CCDC171: variants seen among roughly 807,000 people sequenced by gnomAD.
The protein encoded by CCDC171 is coiled-coil domain-containing protein 171.
CCDC171 carries 177 observed loss-of-function variants against 168.2 expected under a neutral mutation model. The observed-to-expected ratio is 1.05, with a 90% confidence interval of 0.93 to 1.19. The LOEUF (loss-of-function observed/expected upper bound fraction) is 1.19. Ranked by LOEUF, CCDC171 falls within the 50% of genes most tolerant of loss-of-function variation. The pLI is 0.00. For missense variants in CCDC171, 1,991 were observed against 1,539.0 expected (o/e 1.29, Z -4.91); for synonymous variants, 687 against 540.8 (o/e 1.27, Z -3.75).
At chr9:15,839,611 A>G (rs1303254514) in intron 21 of CCDC171, among the ~76,000 whole-genome samples, 1 of 152,188 alleles carries the variant, frequency 6.6e-6, no homozygotes, top group East Asian at 1.9e-4. Context: ...TTATAATGAT[A>G]ATAATGACAC....
chr9:15,933,933 C>T (rs1307976876), intron 25 of CCDC171, among the ~76,000 whole-genome samples: 1 of 151,742 alleles, frequency 6.6e-6, no homozygotes, highest in Non-Finnish European at 1.5e-5. Context: ...ATAAATTGGG[C>T]TTCTTCAAAA....
chr9:15,991,603 G>A (rs1443269718), intron 3 of CCDC171, among the ~76,000 whole-genome samples: 1 of 152,102 alleles, frequency 6.6e-6, no homozygotes, highest in Non-Finnish European at 1.5e-5. Flanking sequence ...AGGAGATACA[G>A]ACACAAAAAT....
the CCDC171 span, among the ~76,000 whole-genome samples, chr9:16,069,325 C>G: frequency 3.9e-5 from 6 of 152,156 alleles, no homozygotes; most frequent in Non-Finnish European, 8.8e-5. Context: ...TTCAAAAATG[C>G]TGAGAGTGAA....
intron 6 of CCDC171, among the ~76,000 whole-genome samples, chr9:15,615,388 A>G (rs572786276): frequency 4.1e-4 from 63 of 152,266 alleles, no homozygotes; most frequent in African/African-American, 1.3e-3. Context: ...GTATGTGTCT[A>G]TATCTGTGTG....
At chr9:15,931,804 A>G (rs1826550244) in intron 25 of CCDC171, among the ~76,000 whole-genome samples, 1 of 151,634 alleles carries the variant, frequency 6.6e-6, no homozygotes, top group Non-Finnish European at 1.5e-5. Context: ...TGGATATGGT[A>G]AGAGGTAGGG....
chr9:15,946,236 C>G (rs971647840), intron 25 of CCDC171, among the ~76,000 whole-genome samples: 1 of 151,924 alleles, frequency 6.6e-6, no homozygotes, highest in Non-Finnish European at 1.5e-5. Flanking sequence ...TTCCATTGAT[C>G]TATATCTCAG....
chr9:15,724,973 A>G lies in CCDC171; in HGVS notation c.1689A>G (p.Ala563=), dbSNP rs1422920859. ...TTTCCCAGGCTTTCCATAAGGATGC[A>G]GAGGTATTACCTGAGACTCAATGAC... ...QKLSQAFHKD[A]EEKLTFLHTL... Residue 563 remains alanine (A), a synonymous_variant, in exon 14 of 26, where the codon GCA becomes GCG. Transcript: ENST00000380701. 3.1e-6 allele frequency: 5 copies of G among 1,612,816 alleles called. No individual in the cohort carries two copies. Among genetic ancestry groups the G allele is most frequent in the Middle Eastern group, 1.7e-4 (1 of 6,050 alleles).
At chr9:15,708,390 T>G (rs1229302184) in intron 11 of CCDC171, among the ~76,000 whole-genome samples, 2 of 152,194 alleles carry the variant, frequency 1.3e-5, no homozygotes, top group African/African-American at 2.4e-5. Context: ...TACAATCAGC[T>G]TCCCTTTGAC....
At chr9:15,787,512 C>T (rs1441541540) in intron 21 of CCDC171, among the ~76,000 whole-genome samples, 1 of 152,016 alleles carries the variant, frequency 6.6e-6, no homozygotes, top group Non-Finnish European at 1.5e-5. Flanking sequence ...CACTCCTTTC[C>T]CTCCTCTTCT....
chr9:15,931,227 T>A (rs1431776194), intron 25 of CCDC171, among the ~76,000 whole-genome samples: 3 of 151,816 alleles, frequency 2.0e-5, no homozygotes, highest in Admixed American at 1.3e-4. Flanking sequence ...GTTCCCTTTT[T>A]CTCCACATCC....
At chr9:15,760,981 A>G (rs926535247) in intron 18 of CCDC171, among the ~76,000 whole-genome samples, 8 of 152,206 alleles carry the variant, frequency 5.3e-5, no homozygotes, top group African/African-American at 1.9e-4. Flanking sequence ...GGGTTAGGAT[A>G]TCAATCATGA....
intron 2 of CCDC171, among the ~76,000 whole-genome samples, chr9:15,564,542 G>C (rs952363858): frequency 1.3e-5 from 2 of 152,156 alleles, no homozygotes; most frequent in Non-Finnish European, 2.9e-5. Context: ...TTTAGTCTTA[G>C]CTCCTGTTGC....
chr9:15,850,534 AGTT>A (rs1563868046), intron 23 of CCDC171, among the ~76,000 whole-genome samples: 1 of 151,990 alleles, frequency 6.6e-6, no homozygotes, highest in Non-Finnish European at 1.5e-5. Context: ...CAGATTTAGT[AGTT>A]AATTATTTTG....
intron 24 of CCDC171, among the ~76,000 whole-genome samples, chr9:15,910,035 T>C (rs1164414483): frequency 2.6e-5 from 4 of 152,202 alleles, no homozygotes; most frequent in African/African-American, 2.4e-5. Flanking sequence ...CTCCCACTTA[T>C]AAGTGAGAAC....
intron 18 of CCDC171, among the ~76,000 whole-genome samples, chr9:15,758,673 C>T (rs1240568187): frequency 2.6e-5 from 4 of 152,078 alleles, no homozygotes; most frequent in Non-Finnish European, 1.5e-5. Context: ...CTGAATTGTA[C>T]TCCCATATTT....
chr9:15,853,318 G>A (rs986850044), intron 23 of CCDC171, among the ~76,000 whole-genome samples: 2 of 151,636 alleles, frequency 1.3e-5, no homozygotes, highest in Admixed American at 1.3e-4. Context: ...TTATTCTTAA[G>A]TATTTTATAA....
At chr9:15,688,453 A>G (rs1446644027) in intron 10 of CCDC171, among the ~76,000 whole-genome samples, 3 of 152,176 alleles carry the variant, frequency 2.0e-5, no homozygotes, top group African/African-American at 7.2e-5. Context: ...TTTTGAATGT[A>G]GATGCTAAAA....
Position 15,893,277 on chromosome 9 carries a change from A to G in CCDC171, c.3600+18614A>G, listed in dbSNP as rs1361462367. The stretch of plus-strand genomic sequence containing the variant: ...CCCCTTCTTTACACCTTATACAAAA[A>G]TTAACTCAAGATGGATTAAAGACTT... On this transcript the variant is annotated intron_variant, in intron 24 of 25. Coordinates refer to ENST00000380701, the MANE Select transcript of CCDC171 (RefSeq NM_173550.4). Among the ~76,000 whole-genome samples, 3 of 152,322 alleles carry G rather than the reference A, an allele frequency of 2.0e-5. No individual in the cohort carries two copies. In the East Asian group the frequency reaches 5.8e-4, roughly 29 times the overall value.
At chr9:15,692,323 A>G (rs1242084325) in intron 10 of CCDC171, among the ~76,000 whole-genome samples, 1 of 151,664 alleles carries the variant, frequency 6.6e-6, no homozygotes, top group Non-Finnish European at 1.5e-5. Context: ...CACTGAGCCG[A>G]GATTGTTCTA....
Sources: gnomAD v4.1 joint callset for allele counts (sites outside exome capture counted in the v4.1 genomes callset) on GRCh38, gnomAD v4.1.1 for gene constraint, MANE v1.5 for transcripts, NCBI Gene and HGNC (gene_info 2026-07-23, HGNC 2026-07-21) for gene names.